RANBP2: variants seen among roughly 807,000 people sequenced by gnomAD.
RANBP2 encodes RAN binding protein 2.
RANBP2 carries 57 observed loss-of-function variants against 303.6 expected under a neutral mutation model. The observed-to-expected ratio is 0.19, with a 90% confidence interval of 0.15 to 0.23. The LOEUF is 0.23. Ranked by LOEUF, RANBP2 falls within the 10% of genes least tolerant of loss-of-function variation. The pLI is 1.00. For missense variants in RANBP2, 3,138 were observed against 3,780.8 expected, an observed-to-expected ratio of 0.83 and a Z score of 4.46; for synonymous variants, 1,167 against 1,301.5, an observed-to-expected ratio of 0.90 and a Z score of 2.23.
the RANBP2 span, among the ~76,000 whole-genome samples, chr2:108,850,554 C>T: frequency 7.1e-4 from 108 of 152,162 alleles, no homozygotes; most frequent in Middle Eastern, 0.01. Context: ...CAGGTTCAAG[C>T]GATTCTCCTG....
intron 3 of RANBP2, 89 bp downstream of exon 3, chr2:108,730,974 GA>G: frequency 6.9e-7 from 1 of 1,457,748 alleles, no homozygotes; most frequent in Non-Finnish European, 9.5e-7. Context: ...TATATTTTAT[GA>G]ATATCATAAA....
intron 26 of RANBP2, 82 bp from the exon 27 acceptor site, chr2:108,782,046 T>G: frequency 6.6e-7 from 1 of 1,524,468 alleles, no homozygotes; most frequent in Middle Eastern, 2.2e-4. Context: ...AGAAAATGCC[T>G]TAAAAGAATT....
chr2:108,884,270 G>A, the RANBP2 span: 1 of 152,166 alleles, frequency 6.6e-6, no homozygotes, highest in African/African-American at 2.4e-5. Context: ...GTCAAGCAGG[G>A]ACCATGGTGC....
At chr2:109,361,990 T>C in the RANBP2 span, among the ~76,000 whole-genome samples, 55 of 152,304 alleles carry the variant, frequency 3.6e-4, no homozygotes, top group African/African-American at 1.2e-3. Flanking sequence ...TAGAAGCATA[T>C]GATTTTTATT....
At chr2:109,267,827 C>T in the RANBP2 span, among the ~76,000 whole-genome samples, 21 of 152,288 alleles carry the variant, frequency 1.4e-4, no homozygotes, top group African/African-American at 4.6e-4. Flanking sequence ...GCCCTGTGGT[C>T]GGGCAATGGG....
chr2:109,736,131 G>C, the RANBP2 span, among the ~76,000 whole-genome samples: 2 of 152,160 alleles, frequency 1.3e-5, no homozygotes, highest in Non-Finnish European at 2.9e-5. Flanking sequence ...ATTATTGTTC[G>C]AATTTCGGAA....
chr2:108,997,873 A>C, the RANBP2 span, among the ~76,000 whole-genome samples: 4 of 152,208 alleles, frequency 2.6e-5, no homozygotes, highest in African/African-American at 9.6e-5. Context: ...CCTGGGCCAC[A>C]GAGTTAGACT....
chr2:109,584,708 C>T, the RANBP2 span, among the ~76,000 whole-genome samples: 17 of 152,114 alleles, frequency 1.1e-4, no homozygotes, highest in Non-Finnish European at 8.8e-5. Flanking sequence ...AATAATGTAA[C>T]TGGCTAATTT....
intron 3 of RANBP2, 75 bp from the exon 4 acceptor site, chr2:108,731,245 TTA>T: frequency 6.5e-7 from 1 of 1,542,962 alleles, no homozygotes; most frequent in Non-Finnish European, 8.7e-7. Flanking sequence ...TTTTTAACCT[TTA>T]TATATAAGTA....
the RANBP2 span, among the ~76,000 whole-genome samples, chr2:108,869,773 C>T: frequency 6.6e-6 from 1 of 152,178 alleles, no homozygotes; most frequent in Non-Finnish European, 1.5e-5. Flanking sequence ...ACACTCCCTA[C>T]ACCGTTCCCA....
At chr2:108,797,812 T>C in the RANBP2 span, among the ~76,000 whole-genome samples, 1 of 152,092 alleles carries the variant, frequency 6.6e-6, no homozygotes, top group Non-Finnish European at 1.5e-5. Context: ...TCCAAATTAG[T>C]AGAATGGAGA....
chr2:109,428,787 C>T, the RANBP2 span, among the ~76,000 whole-genome samples: 5 of 152,066 alleles, frequency 3.3e-5, no homozygotes, highest in Admixed American at 6.5e-5. Flanking sequence ...ATGGAGATGC[C>T]CTGAGCACTC....
chr2:108,952,976 G>C, the RANBP2 span, among the ~76,000 whole-genome samples: 2 of 152,160 alleles, frequency 1.3e-5, no homozygotes, highest in Admixed American at 6.5e-5. Flanking sequence ...TAGACTTTCT[G>C]AGGTCTTTTT....
At chr2:109,618,107 G>A in the RANBP2 span, 14 of 166,934 alleles carry the variant, frequency 8.4e-5, no homozygotes, top group South Asian at 4.2e-4. Context: ...AGATATGAAC[G>A]GTGTAAATTT....
chr2:109,413,747 A>G, the RANBP2 span, among the ~76,000 whole-genome samples: 3 of 152,302 alleles, frequency 2.0e-5, no homozygotes, highest in East Asian at 3.9e-4. Flanking sequence ...GTAGGACCTG[A>G]GTTTGCAGAC....
At position 108,763,418 on chromosome 2, in the gene RANBP2, A is replaced by C. The variant is rs751004854; in HGVS notation, c.2879A>C (p.Asp960Ala). The C allele has an allele frequency of 6.2e-7, 1 of 1,613,962 alleles. No homozygotes were observed. The highest frequency in any genetic ancestry group is 1.1e-5 in the South Asian group (1 of 91,070). Residue 960 changes from aspartate (D) to alanine (A), a missense_variant, in exon 20 of 29, where the codon GAT becomes GCT. Physicochemically the swap from Asp to Ala is moderately radical, Grantham distance 126 (BLOSUM62 -2). This residue lies in a region of RANBP2 where 403 missense variants were observed against 376.7 expected (regional missense o/e 1.07). Coordinates refer to ENST00000283195, the MANE Select transcript of RANBP2 (RefSeq NM_006267.5). The part of the protein sequence containing the change: ...ATGILSPRGD[D>A]YFNYNVQQTS... ...GGAATTCTATCGCCCAGGGGTGATGATTACTTTAATTACAATGTTCAACAG... is the reference window on the plus strand; with the variant it reads ...GGAATTCTATCGCCCAGGGGTGATGCTTACTTTAATTACAATGTTCAACAG...
chr2:109,671,724 A>G, the RANBP2 span, among the ~76,000 whole-genome samples: 16 of 152,270 alleles, frequency 1.1e-4, no homozygotes, highest in African/African-American at 3.9e-4. Flanking sequence ...GGAAGGGGAA[A>G]AAAGGTATGG....
the RANBP2 span, among the ~76,000 whole-genome samples, chr2:109,302,543 G>C: frequency 1.3e-5 from 2 of 152,240 alleles, no homozygotes; most frequent in Non-Finnish European, 2.9e-5. Flanking sequence ...GGAGCTTGGG[G>C]ACCAGGCCAG....
At chr2:108,882,326 A>C in the RANBP2 span, 1 of 152,200 alleles carries the variant, frequency 6.6e-6, no homozygotes, top group Admixed American at 6.5e-5. Flanking sequence ...ACAAATCTTC[A>C]ATTTGTAAAA....
Sources: allele counts gnomAD v4.1 joint callset (sites outside exome capture counted in the v4.1 genomes callset), GRCh38; gene constraint gnomAD v4.1.1; regional missense constraint gnomAD v4.1.1; transcripts MANE v1.5; gene names NCBI Gene and HGNC (gene_info 2026-07-23, HGNC 2026-07-21).